The following CRTAP variants were observed in gnomAD, a reference collection of about 807,000 sequenced individuals.
CRTAP encodes the protein cartilage-associated protein.
In CRTAP, 33 loss-of-function variants were observed where a neutral mutation model predicts 42.7. That is an observed-to-expected ratio of 0.77 (90% CI 0.59 to 1.03). The LOEUF (loss-of-function observed/expected upper bound fraction) is 1.03, where lower values mean the gene tolerates loss of function less well. Among genes scored for constraint, CRTAP ranks in the 50% least tolerant of loss-of-function variants. CRTAP has a pLI of 0.00. For synonymous variants in CRTAP, 243 were observed against 217.7 expected, an observed-to-expected ratio of 1.12 and a Z score of -1.02; for missense variants, 613 against 533.9, an observed-to-expected ratio of 1.15 and a Z score of -1.46.
In CRTAP at chr3:33,145,982, G is replaced by C. The variant is rs1038596926; in HGVS notation, c.*3534G>C. The C allele has an allele frequency of 6.6e-6, 1 of 151,866 alleles. No homozygotes were observed. Among genetic ancestry groups the C allele is most frequent in the African/African-American group, 2.4e-5 (1 of 41,290 alleles). The allele number at this position is 151,866 out of a possible 1,614,324, so 9.4% of individuals were successfully genotyped here. ...CAGTACTTTGCTTTGATTGAAGGCT[G>C]TAGAGCTGAGTTACCAAAATTTCTA... On this transcript the variant is annotated 3_prime_UTR_variant, in exon 7 of 7. Coordinates refer to ENST00000320954, the MANE Select transcript of CRTAP (RefSeq NM_006371.5). The surrounding 1 kb of genome is among the most constrained non-coding windows in gnomAD (Gnocchi z 4.3).
intron 3 of CRTAP, among the ~76,000 whole-genome samples, chr3:33,127,616 T>C (rs1575517198): frequency 6.8e-6 from 1 of 146,020 alleles, no homozygotes; most frequent in Non-Finnish European, 1.5e-5. Context: ...TCTGGCTAAT[T>C]TTTATATTTT....
chr3:33,146,702 G>A lies in CRTAP; in HGVS notation c.*4254G>A, dbSNP rs1159846948. On this transcript the variant is annotated 3_prime_UTR_variant, in exon 7 of 7. Coordinates refer to ENST00000320954, the MANE Select transcript of CRTAP (RefSeq NM_006371.5). ...GTGCTTTCAGGAGTTCTTATTAGGGGAATTTTAAGAGCACAAAAATTTTAT... is the reference window on the plus strand; with the variant it reads ...GTGCTTTCAGGAGTTCTTATTAGGGAAATTTTAAGAGCACAAAAATTTTAT... The A allele has an allele frequency of 6.6e-6, 1 of 152,172 alleles. No individual in the cohort carries two copies. The highest frequency in any genetic ancestry group is 1.5e-5 in the Non-Finnish European group (1 of 68,032). 9.4% of individuals were successfully genotyped at this position (152,172 alleles called of 1,614,324 possible).
chr3:33,137,525 C>A (rs2030457459), intron 6 of CRTAP, among the ~76,000 whole-genome samples: 1 of 152,170 alleles, frequency 6.6e-6, no homozygotes, highest in Non-Finnish European at 1.5e-5. Context: ...CTATTCAAAT[C>A]TTTTGTCCAC....
In CRTAP at chr3:33,147,302, TTGAC is replaced by T. The variant is rs1385290758; in HGVS notation, c.*4859_*4862del. 2.0e-5 allele frequency: 3 copies of T among 152,798 alleles called. No homozygotes were observed. The highest frequency in any genetic ancestry group is 7.2e-5 in the African/African-American group (3 of 41,482). 9.5% of individuals were successfully genotyped at this position (152,798 alleles called of 1,614,324 possible). On this transcript the variant is annotated 3_prime_UTR_variant, in exon 7 of 7. Coordinates refer to ENST00000320954, the MANE Select transcript of CRTAP (RefSeq NM_006371.5). ...GACACCATGACAGCCCGGCTTTGCC[TTGAC>T]TGACCCACTGCTACCCCAGAAATAA... is the stretch of plus-strand genomic sequence containing the variant.
At chr3:33,122,385 A>G (rs1000856957) in intron 2 of CRTAP, among the ~76,000 whole-genome samples, 2 of 151,914 alleles carry the variant, frequency 1.3e-5, no homozygotes, top group Admixed American at 6.6e-5. Flanking sequence ...TCTTATTTCC[A>G]GGGCATGTGG....
rs1200743990 is a variant in CRTAP, at chr3:33,146,119, C to T, written c.*3671C>T. 6.6e-6 allele frequency: 1 copy of T among 152,180 alleles called. No homozygotes were observed. The highest frequency in any genetic ancestry group is 1.5e-5 in the Non-Finnish European group (1 of 68,050). The allele number at this position is 152,180 out of a possible 1,614,324, so 9.4% of individuals were successfully genotyped here. On this transcript the variant is annotated 3_prime_UTR_variant, in exon 7 of 7. Coordinates refer to ENST00000320954, the MANE Select transcript of CRTAP (RefSeq NM_006371.5). ...GCACTCAATGACCTCAACCCAACACCTCCCTGAGTGTGCTTCTTGGAAGAG... is the reference window on the plus strand; with the variant it reads ...GCACTCAATGACCTCAACCCAACACTTCCCTGAGTGTGCTTCTTGGAAGAG...
rs1286738468 is a variant in CRTAP, at chr3:33,144,869, T to C, written c.*2421T>C. 6.6e-6 allele frequency: 1 copy of C among 152,236 alleles called. No homozygotes were observed. The highest frequency in any genetic ancestry group is 1.5e-5 in the Non-Finnish European group (1 of 68,042). The allele number at this position is 152,236 out of a possible 1,614,324, so 9.4% of individuals were successfully genotyped here. On this transcript the variant is annotated 3_prime_UTR_variant, in exon 7 of 7. Transcript: ENST00000320954. ...AGAAAACCAAGAGAGTGTGGTGTTCTGGAAGCTGAGCTTTCTTTATTCAAC... is the reference window on the plus strand; with the variant it reads ...AGAAAACCAAGAGAGTGTGGTGTTCCGGAAGCTGAGCTTTCTTTATTCAAC...
At chr3:33,117,530 G>T (rs1701357186) in intron 1 of CRTAP, among the ~76,000 whole-genome samples, 1 of 152,116 alleles carries the variant, frequency 6.6e-6, no homozygotes, top group African/African-American at 2.4e-5. Context: ...TTTCTCATAG[G>T]CCAAGCAAAA....
intron 3 of CRTAP, among the ~76,000 whole-genome samples, chr3:33,125,491 GTTTTTTTT>G (rs60498778): frequency 3.3e-5 from 1 of 30,126 alleles, no homozygotes; most frequent in African/African-American, 1.3e-4. Flanking sequence ...TACAAAGTAG[GTTTTTTTT>G]TTTTTTTTTT....
rs767024153 is a variant in CRTAP, at chr3:33,142,398, G to A, written c.1156G>A (p.Glu386Lys). ...KENIMDDDEG[E>K]VVEYVDDLLE... ...GTTGTCCTGTTGTCTCTTACAGGGA[G>A]AAGTTGTGGAATATGTGGATGACCT... Residue 386 changes from glutamate to lysine, a missense_variant, in exon 7 of 7, where the codon GAA becomes AAA. Physicochemically the swap from Glu to Lys is moderately conservative, Grantham distance 56. Transcript: ENST00000320954. 1 of 1,613,964 alleles carries A rather than the reference G, an allele frequency of 6.2e-7. No individual in the cohort carries two copies. Among genetic ancestry groups the A allele is most frequent in the South Asian group, 1.1e-5 (1 of 91,072 alleles).
intron 6 of CRTAP, among the ~76,000 whole-genome samples, chr3:33,138,897 C>T (rs2030497018): frequency 6.6e-6 from 1 of 152,074 alleles, no homozygotes; most frequent in Admixed American, 6.6e-5. Context: ...AATCCCAGCA[C>T]TTTGGGAGGC....
At chr3:33,138,493 C>T (rs2125606298) in intron 6 of CRTAP, among the ~76,000 whole-genome samples, 1 of 152,000 alleles carries the variant, frequency 6.6e-6, no homozygotes, top group East Asian at 1.9e-4. Flanking sequence ...TCTTTCCAAC[C>T]CCTAGTATTC....
Position 33,114,432 on chromosome 3 carries a change from C to T in CRTAP, c.355C>T (p.Leu119Phe). The change falls in exon 1 of 7, where the codon CTC becomes TTC. Residue 119 changes from leucine (L) to phenylalanine (F), a missense_variant. Leu to Phe is a conservative substitution (Grantham distance 22). Transcript: ENST00000320954. Reference sequence around the variant, plus strand: ...GGGCCTGCTGCGCCGCGCGCACTGCCTCAAGCGCTGCAAGCAGGGCCTGCC... The same window carrying T: ...GGGCCTGCTGCGCCGCGCGCACTGCTTCAAGCGCTGCAAGCAGGGCCTGCC... Reference protein sequence around the residue: ...FGGLLRRAHCLKRCKQGLPAF... With the variant: ...FGGLLRRAHCFKRCKQGLPAF... 6 of 1,567,682 alleles carry T rather than the reference C, an allele frequency of 3.8e-6. No homozygotes were observed. Among genetic ancestry groups the T allele is most frequent in the Non-Finnish European group, 5.2e-6 (6 of 1,159,700 alleles).
At position 33,144,030 on chromosome 3, in the gene CRTAP, C is replaced by A. The variant is rs1137463; in HGVS notation, c.*1582C>A. ...ATTTTGCAAGGGTCATTCTAGCTGC[C>A]ATATTGTGAAAAACTTTAGTGGACA... On this transcript the variant is annotated 3_prime_UTR_variant, in exon 7 of 7. Coordinates refer to ENST00000320954, the MANE Select transcript of CRTAP (RefSeq NM_006371.5). The A allele has an allele frequency of 0.12, 18,767 of 152,202 alleles. 1,389 individuals carry two copies. The highest frequency in any genetic ancestry group is 0.28 in the East Asian group (1,455 of 5,172). The allele number at this position is 152,202 out of a possible 1,614,324, so 9.4% of individuals were successfully genotyped here. A position where few individuals can be genotyped will look rare whatever the true frequency, so the allele number is the denominator to read the frequency against.
chr3:33,122,113 T>C (rs1319904505), intron 2 of CRTAP, among the ~76,000 whole-genome samples: 2 of 152,188 alleles, frequency 1.3e-5, no homozygotes, highest in African/African-American at 4.8e-5. Flanking sequence ...TCTTCACTGT[T>C]GTTTTCATAG....
intron 6 of CRTAP, among the ~76,000 whole-genome samples, chr3:33,134,878 G>C (rs1299094995): frequency 1.3e-5 from 2 of 152,194 alleles, no homozygotes; most frequent in Non-Finnish European, 2.9e-5. Flanking sequence ...TCAGCTATTG[G>C]AGCTCGAAGA....
rs752001230 is a variant in CRTAP, at chr3:33,132,750, G to T, written c.1068+50G>T. 4.4e-6 allele frequency: 7 copies of T among 1,605,936 alleles called. No individual in the cohort carries two copies. The Admixed American group carries it at 1.2e-4, about 27-fold the overall frequency. ...CCTTTTCTCTTCATTCTTGCCTTCT[G>T]GAGACTACCTCGTGCCTTAAGAGAA... On this transcript the variant is annotated intron_variant, in intron 5 of 6. Transcript: ENST00000320954.
Position 33,114,113 on chromosome 3 carries a change from A to G in CRTAP, c.36A>G (p.Leu12=), listed in dbSNP as rs1575512623. 2.6e-6 allele frequency: 4 copies of G among 1,513,342 alleles called. No individual in the cohort carries two copies. The highest frequency in any genetic ancestry group is 2.6e-6 in the Non-Finnish European group (3 of 1,141,474). The allele number at this position is 1,513,342 out of a possible 1,614,324, so 93.7% of individuals were successfully genotyped here. A position where few individuals can be genotyped will look rare whatever the true frequency, so the allele number is the denominator to read the frequency against. ...EPGRRGAAAL[L]ALLCVACALR... ...GGCGCCGGGGGGCCGCGGCGCTGCTAGCGCTGCTGTGCGTGGCCTGCGCGC... is the reference window on the plus strand; with the variant it reads ...GGCGCCGGGGGGCCGCGGCGCTGCTGGCGCTGCTGTGCGTGGCCTGCGCGC... Residue 12 remains leucine, a synonymous_variant, in exon 1 of 7, where the codon CTA becomes CTG. Transcript: ENST00000320954.
rs2030300183 is a variant in CRTAP, at chr3:33,132,621, T to C, written c.989T>C (p.Val330Ala). ...CTGCTCTTTGATCAGAATGACAAGGTCATGCAGCAGAACCTGGTGTATTAC... is the reference window on the plus strand; with the variant it reads ...CTGCTCTTTGATCAGAATGACAAGGCCATGCAGCAGAACCTGGTGTATTAC... The part of the protein sequence containing the change: ...SYLLFDQNDK[V>A]MQQNLVYYQY... Residue 330 changes from valine (V) to alanine (A), a missense_variant, in exon 5 of 7, where the codon GTC becomes GCC. Coordinates refer to ENST00000320954, the MANE Select transcript of CRTAP (RefSeq NM_006371.5). 1 of 1,614,144 alleles carries C rather than the reference T, an allele frequency of 6.2e-7. No homozygotes were observed.
Sources: allele counts gnomAD v4.1 joint callset (sites outside exome capture counted in the v4.1 genomes callset), GRCh38; gene constraint gnomAD v4.1.1; non-coding constraint Gnocchi (gnomAD v3.1); transcripts MANE v1.5; gene names NCBI Gene and HGNC (gene_info 2026-07-23, HGNC 2026-07-21).